The following DOCK7 variants were observed in gnomAD, a reference collection of about 807,000 sequenced individuals.
The protein encoded by DOCK7 is dedicator of cytokinesis 7.
Under a neutral mutation model 271.0 loss-of-function variants are expected in DOCK7, and 138 were observed. The ratio of observed to expected loss-of-function variants is 0.51; its 90% confidence interval spans 0.44 to 0.59. The LOEUF (loss-of-function observed/expected upper bound fraction) is 0.59. Ranked by LOEUF, DOCK7 falls within the 20% of genes least tolerant of loss-of-function variation. The probability of loss-of-function intolerance (pLI) is 0.00; values close to 1 mark genes in which losing one functional copy is unlikely to be tolerated. For synonymous variants in DOCK7, 823 were observed against 876.1 expected (o/e 0.94, Z 1.07); for missense variants, 2,066 against 2,592.4 (o/e 0.80, Z 4.41).
At chr1:62,485,464 C>T (rs2149278288) in intron 43 of DOCK7, 2 of 985,284 alleles carry the variant, frequency 2.0e-6, no homozygotes, top group South Asian at 9.4e-5. Context: ...TGGGGTTTTC[C>T]TGTAAGTTGG....
intron 40 of DOCK7, 98 bp from the exon 41 acceptor site, chr1:62,492,945 T>G: frequency 1.9e-6 from 2 of 1,027,678 alleles, no homozygotes; most frequent in South Asian, 3.4e-5. Flanking sequence ...AACTATCAGG[T>G]TAGGTTAAAA....
At chr1:62,613,629 A>G (rs1252877042) in intron 14 of DOCK7, among the ~76,000 whole-genome samples, 1 of 152,316 alleles carries the variant, frequency 6.6e-6, no homozygotes, top group East Asian at 1.9e-4. Context: ...GAACATAAAA[A>G]TGAGAAGTGA....
chr1:62,688,284 A>ACGGCGG lies in DOCK7; in HGVS notation c.-26_-21dup, dbSNP rs746980228. 226 of 1,253,852 alleles carry ACGGCGG rather than the reference A, an allele frequency of 1.8e-4. No individual in the cohort carries two copies. In the African/African-American group the frequency reaches 3.2e-3, roughly 18 times the overall value. The allele number at this position is 1,253,852 out of a possible 1,614,324, so 77.7% of individuals were successfully genotyped here. A position where few individuals can be genotyped will look rare whatever the true frequency, so the allele number is the denominator to read the frequency against. ...GGCCATGGCTGCTGCGGCGACGGCG[A>ACGGCGG]CGGCGGCGGCGGCTGCGGCGGGCCG... On this transcript the variant is annotated 5_prime_UTR_variant, in exon 1 of 50. Transcript: ENST00000635253.
chr1:62,524,521 A>G (rs1644941784), intron 31 of DOCK7, among the ~76,000 whole-genome samples: 1 of 152,236 alleles, frequency 6.6e-6, no homozygotes, highest in African/African-American at 2.4e-5. Context: ...AGACAATGGA[A>G]TATCATACTG....
chr1:62,488,821 T>G, intron 42 of DOCK7, 113 bp downstream of exon 42: 1 of 1,368,900 alleles, frequency 7.3e-7, no homozygotes, highest in Non-Finnish European at 1.0e-6. Flanking sequence ...TCATTTGTAG[T>G]CTGATTAAAA....
chr1:62,531,376 AT>A (rs1308764016), intron 29 of DOCK7, among the ~76,000 whole-genome samples: 1 of 152,216 alleles, frequency 6.6e-6, no homozygotes, highest in Non-Finnish European at 1.5e-5. Context: ...GTAATATCCT[AT>A]TCTAGATGTT....
chr1:62,571,342 C>G lies in DOCK7; in HGVS notation c.2112+5920G>C, dbSNP rs184218329. ...ATCATCAGATAAATGCAAATCAAAA[C>G]CACAATGAGATACCATCTCACACCA... On this transcript the variant is annotated intron_variant, in intron 18 of 49. Transcript: ENST00000635253. 1.7e-3 allele frequency among the ~76,000 whole-genome samples: 266 copies of G among 152,164 alleles called. 2 individuals are homozygous for G. The highest frequency in any genetic ancestry group is 5.8e-3 in the African/African-American group (241 of 41,492).
intron 37 of DOCK7, among the ~76,000 whole-genome samples, chr1:62,499,126 C>T (rs1278961032): frequency 6.6e-6 from 1 of 152,108 alleles, no homozygotes; most frequent in Non-Finnish European, 1.5e-5. Flanking sequence ...GGAAACACTG[C>T]CTGATACTAA....
At chr1:62,668,973 G>A (rs947361105) in intron 1 of DOCK7, among the ~76,000 whole-genome samples, 3 of 151,582 alleles carry the variant, frequency 2.0e-5, no homozygotes, top group Middle Eastern at 3.2e-3. Flanking sequence ...GCCTTAGTGG[G>A]GAAACGAACA....
At chr1:62,504,911 G>T in intron 36 of DOCK7, 129 bp from the exon 37 acceptor site, 1 of 1,108,758 alleles carries the variant, frequency 9.0e-7, no homozygotes, top group Non-Finnish European at 1.2e-6. Flanking sequence ...GACAATATTA[G>T]CTAATGGTTA....
At chr1:62,662,563 C>A (rs1025836494) in intron 2 of DOCK7, among the ~76,000 whole-genome samples, 5 of 152,064 alleles carry the variant, frequency 3.3e-5, no homozygotes, top group African/African-American at 1.2e-4. Context: ...GAGTTCAAGA[C>A]CAGCCTGGCC....
intron 14 of DOCK7, 54 bp from the exon 15 acceptor site, chr1:62,586,678 T>A: frequency 9.4e-7 from 1 of 1,068,156 alleles, no homozygotes; most frequent in East Asian, 2.5e-5. Context: ...AAACACTATG[T>A]ATCACTCACA....
At position 62,508,012 on chromosome 1, in the gene DOCK7, C is replaced by T. The variant is rs747001051; in HGVS notation, c.4426G>A (p.Ala1476Thr). ...EHEALIDGNLATEANLIILDT... is the reference protein window; with the variant it reads ...EHEALIDGNLTTEANLIILDT... Reference sequence around the variant, plus strand: ...AAAATGATTAGGTTTGCTTCTGTAGCCAGGTTTCCATCAATCAGTGCTTCG... The same window carrying T: ...AAAATGATTAGGTTTGCTTCTGTAGTCAGGTTTCCATCAATCAGTGCTTCG... Residue 1476 changes from alanine (A) to threonine (T), a missense_variant, in exon 35 of 50, where the codon GCT (alanine) becomes ACT (threonine). Coordinates refer to ENST00000635253, the MANE Select transcript of DOCK7 (RefSeq NM_001367561.1). 6.2e-7 allele frequency: 1 copy of T among 1,613,086 alleles called. No individual in the cohort carries two copies. The highest frequency in any genetic ancestry group is 8.5e-7 in the Non-Finnish European group (1 of 1,179,740).
chr1:62,475,472 A>G (rs1645942448), intron 46 of DOCK7, 121 bp from the exon 47 acceptor site: 1 of 1,308,268 alleles, frequency 7.6e-7, no homozygotes, highest in Non-Finnish European at 1.0e-6. Context: ...TGTAACAATA[A>G]AATTCCAAAC....
chr1:62,570,950 C>A (rs762167289), intron 18 of DOCK7, among the ~76,000 whole-genome samples: 31 of 152,206 alleles, frequency 2.0e-4, no homozygotes, highest in Non-Finnish European at 4.0e-4. Flanking sequence ...ACTATACAAA[C>A]CCTAGAAGAA....
chr1:62,495,525 C>T (rs867761705), intron 39 of DOCK7, 56 bp downstream of exon 39: 1 of 1,099,866 alleles, frequency 9.1e-7, no homozygotes, highest in African/African-American at 1.6e-5. Context: ...CTAATGCTTA[C>T]TGTATGTCTT....
Position 62,561,628 on chromosome 1 carries a change from T to C in DOCK7, c.2188A>G (p.Ile730Val), listed in dbSNP as rs747262593. The C allele has an allele frequency of 2.5e-5, 39 of 1,565,470 alleles. No homozygotes were observed. The highest frequency in any genetic ancestry group is 3.3e-5 in the Non-Finnish European group (38 of 1,163,674). Residue 730 changes from isoleucine (I) to valine (V), a missense_variant, in exon 19 of 50, where the codon ATC (isoleucine) becomes GTC (valine). Coordinates refer to ENST00000635253, the MANE Select transcript of DOCK7 (RefSeq NM_001367561.1). ...TTATTAAAACTCACTTGTGTATGGATAGACGAAACAGCAACAACTTCAACA... is the reference window on the plus strand; with the variant it reads ...TTATTAAAACTCACTTGTGTATGGACAGACGAAACAGCAACAACTTCAACA... ...FNVEVVAVSS[I>V]HTQDPYLDKF... is the part of the protein sequence containing the mutation.
At chr1:62,510,694 C>G (rs373122623) in intron 33 of DOCK7, 21 bp from the exon 34 acceptor site, 2 of 1,585,676 alleles carry the variant, frequency 1.3e-6, no homozygotes, top group Non-Finnish European at 1.7e-6. Flanking sequence ...AATTTCAAAA[C>G]CAATTTTCAA....
intron 21 of DOCK7, among the ~76,000 whole-genome samples, chr1:62,553,352 ATATTTTTT>A (rs1646014301): frequency 6.4e-4 from 6 of 9,412 alleles, no homozygotes; most frequent in African/African-American, 3.2e-3. Flanking sequence ...ATATATATAT[ATATTTTTT>A]TTTTTTTTTT....
Sources: gnomAD v4.1 joint callset for allele counts (sites outside exome capture counted in the v4.1 genomes callset) on GRCh38, gnomAD v4.1.1 for gene constraint, MANE v1.5 for transcripts, NCBI Gene and HGNC (gene_info 2026-07-23, HGNC 2026-07-21) for gene names.